Variants in LDLRAD4 observed in about 807,000 individuals in gnomAD.
LDLRAD4 encodes the protein low density lipoprotein receptor class A domain containing 4, also known as low-density lipoprotein receptor class A domain-containing protein 4.
In LDLRAD4, 5 loss-of-function variants were observed where a neutral mutation model predicts 17.0. The observed-to-expected ratio is 0.29, with a 90% confidence interval of 0.15 to 0.62. The LOEUF is 0.62. Ranked by LOEUF, LDLRAD4 falls within the 20% of genes least tolerant of loss-of-function variation. The pLI, the probability that LDLRAD4 is intolerant of heterozygous loss-of-function variation, is 0.84. For missense variants in LDLRAD4, 340 were observed against 424.7 expected, an observed-to-expected ratio of 0.80 and a Z score of 1.75; for synonymous variants, 168 against 171.8, an observed-to-expected ratio of 0.98 and a Z score of 0.17.
At chr18:13,565,919 G>C (rs2094595067) in intron 3 of LDLRAD4, among the ~76,000 whole-genome samples, 1 of 152,232 alleles carries the variant, frequency 6.6e-6, no homozygotes, top group South Asian at 2.1e-4. Flanking sequence ...TGAAGACTGT[G>C]ACGATGATGT....
At chr18:13,590,295 TA>T (rs1338740192) in intron 3 of LDLRAD4, among the ~76,000 whole-genome samples, 3 of 132,306 alleles carry the variant, frequency 2.3e-5, no homozygotes, top group East Asian at 2.4e-4. Flanking sequence ...GTGGGGGAGA[TA>T]GGGGTGTATG....
chr18:13,340,632 C>T (rs555043297), intron 1 of LDLRAD4, among the ~76,000 whole-genome samples: 4 of 152,216 alleles, frequency 2.6e-5, no homozygotes, highest in African/African-American at 9.6e-5. Flanking sequence ...GAATATTAAA[C>T]CATAATCAGA....
At chr18:13,650,521 G>A (rs755256888) in exon 6 of LDLRAD4, 2 of 397,082 alleles carry the variant, frequency 5.0e-6, no homozygotes, top group Non-Finnish European at 8.9e-6. Flanking sequence ...CATGTTCTGA[G>A]TTCAGCAGAT....
chr18:13,261,826 G>C (rs763448073), intron 1 of LDLRAD4, among the ~76,000 whole-genome samples: 2 of 152,156 alleles, frequency 1.3e-5, no homozygotes, highest in African/African-American at 4.8e-5. Context: ...GAGGAAGGGC[G>C]ACTTGGTGGT....
intron 3 of LDLRAD4, among the ~76,000 whole-genome samples, chr18:13,566,359 G>A (rs773010497): frequency 2.6e-4 from 35 of 132,496 alleles, no homozygotes; most frequent in Admixed American, 6.8e-4. Context: ...TAAAGAGCAT[G>A]CCTTAGACTT....
intron 2 of LDLRAD4, chr18:13,421,326 A>T (rs375898341): frequency 6.6e-6 from 1 of 151,846 alleles, no homozygotes; most frequent in African/African-American, 2.4e-5. Flanking sequence ...CCTGGCTTCC[A>T]CCCCTCTCCC....
rs561845217 is a variant in LDLRAD4, at chr18:13,395,724, G to A, written c.40+7962G>A. The stretch of plus-strand genomic sequence containing the variant: ...AGCTGGCGTGGGGGCGGGAGCTGGC[G>A]TGGGGGCGGAAGTTGGCGTGGGGTG... On this transcript the variant is annotated intron_variant, in intron 2 of 5. Transcript: ENST00000359446. 5.4e-3 allele frequency among the ~76,000 whole-genome samples: 651 copies of A among 120,746 alleles called. 2 individuals are homozygous for A. Among genetic ancestry groups the A allele is most frequent in the Non-Finnish European group, 8.9e-3 (507 of 56,808 alleles). 79.2% of individuals were successfully genotyped at this position (120,746 alleles called of 152,430 possible).
intron 3 of LDLRAD4, among the ~76,000 whole-genome samples, chr18:13,445,729 G>T (rs1299279683): frequency 6.6e-6 from 1 of 150,764 alleles, no homozygotes; most frequent in Admixed American, 6.6e-5. Flanking sequence ...GTGAGAATGT[G>T]TAGGTGCATG....
At chr18:13,557,621 C>T (rs927259728) in intron 3 of LDLRAD4, among the ~76,000 whole-genome samples, 2 of 152,178 alleles carry the variant, frequency 1.3e-5, no homozygotes, top group African/African-American at 4.8e-5. Flanking sequence ...AGAATGGTCT[C>T]GATCTCCTGA....
At chr18:13,510,949 A>T (rs2093768802) in intron 3 of LDLRAD4, among the ~76,000 whole-genome samples, 1 of 152,242 alleles carries the variant, frequency 6.6e-6, no homozygotes, top group Non-Finnish European at 1.5e-5. Flanking sequence ...TGCTCCAGTG[A>T]TCTTTTTATC....
chr18:13,605,128 T>C (rs1367834272), intron 3 of LDLRAD4, among the ~76,000 whole-genome samples: 1 of 152,220 alleles, frequency 6.6e-6, no homozygotes, highest in Non-Finnish European at 1.5e-5. Flanking sequence ...AATTAGAGTG[T>C]TCTCTTAACA....
At chr18:13,453,783 C>T (rs2091972029) in intron 3 of LDLRAD4, among the ~76,000 whole-genome samples, 1 of 152,214 alleles carries the variant, frequency 6.6e-6, no homozygotes, top group African/African-American at 2.4e-5. Context: ...CCCTCTGTTG[C>T]CCCTCATTAC....
intron 1 of LDLRAD4, among the ~76,000 whole-genome samples, chr18:13,310,301 A>G (rs1467692312): frequency 6.6e-6 from 1 of 151,470 alleles, no homozygotes; most frequent in African/African-American, 2.4e-5. Flanking sequence ...GTGAGCTATG[A>G]TCATGGCACC....
chr18:13,226,180 C>CTTTTTGTTTTTTTTTTT (rs2041782840), intron 1 of LDLRAD4, among the ~76,000 whole-genome samples: 1 of 52,188 alleles, frequency 1.9e-5, no homozygotes, highest in Non-Finnish European at 3.3e-5. Context: ...CCATGCCTTG[C>CTTTTTGTTTTTTTTTTT]TTTTTTTTTT....
rs557743448 is a variant in LDLRAD4 at position 13,443,709 on chromosome 18, T to TCTCCTCCTCCTCCTC, written c.181+5327_181+5341dup. Among the ~76,000 whole-genome samples, 1,142 of 151,408 alleles carry TCTCCTCCTCCTCCTC rather than the reference T, an allele frequency of 7.5e-3. 4 individuals are homozygous for TCTCCTCCTCCTCCTC. Among genetic ancestry groups the TCTCCTCCTCCTCCTC allele is most frequent in the Middle Eastern group, 0.037 (11 of 294 alleles). ...CCTCTTCCTGTCGTCGTCGTCGTCG[T>TCTCCTCCTCCTCCTC]CTCCTCCTCCTCCTCCCCCTTCTCC... On this transcript the variant is annotated intron_variant, in intron 3 of 5. Coordinates refer to ENST00000359446, the Ensembl canonical transcript of LDLRAD4.
In LDLRAD4 at chr18:13,621,369, G is replaced by A; in HGVS notation, c.336+98G>A. On this transcript the variant is annotated intron_variant, in intron 4 of 5. Coordinates refer to ENST00000359446, the Ensembl canonical transcript of LDLRAD4. This position sits in a 1 kb window ranked among gnomAD's most constrained non-coding sequence, Gnocchi z 5.5. ...GGCCGGGAGTGCTTTCAGTTGACATGTAACAAACGGGGCGAAGCGCACCTC... is the reference window on the plus strand; with the variant it reads ...GGCCGGGAGTGCTTTCAGTTGACATATAACAAACGGGGCGAAGCGCACCTC... 1 of 912,664 alleles carries A rather than the reference G, an allele frequency of 1.1e-6. No individual in the cohort carries two copies. Among genetic ancestry groups the A allele is most frequent in the Non-Finnish European group, 1.7e-6 (1 of 579,150 alleles). 56.5% of individuals were successfully genotyped at this position (912,664 alleles called of 1,614,324 possible).
chr18:13,274,580 G>C (rs139307808), upstream of LDLRAD4, among the ~76,000 whole-genome samples: 1 of 152,214 alleles, frequency 6.6e-6, no homozygotes, highest in South Asian at 2.1e-4. Context: ...CGATGATCAC[G>C]TTTGCTGAGT....
chr18:13,466,299 T>C (rs1198491093), intron 3 of LDLRAD4, among the ~76,000 whole-genome samples: 1 of 151,816 alleles, frequency 6.6e-6, no homozygotes, highest in African/African-American at 2.4e-5. Flanking sequence ...GGCAAAAGCC[T>C]GTTTCTACAA....
rs138549822 is a variant in LDLRAD4, at chr18:13,576,048, TC to T, written c.182-45067del. Among the ~76,000 whole-genome samples the T allele has an allele frequency of 4.1e-3, 630 of 152,372 alleles. 29 individuals carry two copies. The East Asian group carries it at 0.095, about 23-fold the overall frequency. The stretch of plus-strand genomic sequence containing the variant: ...GTTGTCTGTTTACTCTGCTGACTGT[TC>T]CTTTTGCTGTGCAGAAGTTTTTATG... On this transcript the variant is annotated intron_variant, in intron 3 of 5. Coordinates refer to ENST00000359446, the Ensembl canonical transcript of LDLRAD4.
Sources: gnomAD v4.1 joint callset for allele counts (sites outside exome capture counted in the v4.1 genomes callset) on GRCh38, gnomAD v4.1.1 for gene constraint, Gnocchi (gnomAD v3.1) non-coding constraint, MANE v1.5 for transcripts, NCBI Gene and HGNC (gene_info 2026-07-23, HGNC 2026-07-21) for gene names.